Variants in PLCB4 observed in about 807,000 individuals in gnomAD.
PLCB4 encodes 1-phosphatidylinositol 4,5-bisphosphate phosphodiesterase beta-4.
A neutral mutation model predicts 178.8 loss-of-function variants in PLCB4; 77 were observed. The ratio of observed to expected loss-of-function variants is 0.43; its 90% CI spans 0.36 to 0.52. The LOEUF is 0.52. Among genes scored for constraint, PLCB4 ranks in the 20% least tolerant of loss-of-function variants. PLCB4 has a pLI of 0.00. For missense variants in PLCB4, 1,024 were observed against 1,453.4 expected (o/e 0.70, Z 4.80); for synonymous variants, 496 against 490.8 (o/e 1.01, Z -0.14).
intron 20 of PLCB4, among the ~76,000 whole-genome samples, chr20:9,402,582 G>T (rs2039111474): frequency 6.6e-6 from 1 of 152,224 alleles, no homozygotes; most frequent in African/African-American, 2.4e-5. Context: ...GACTAGTTTA[G>T]GAGGAAACAG....
Position 9,252,475 on chromosome 20 carries a change from A to AG in PLCB4, c.-16+35023_-16+35024insG, listed in dbSNP as rs577869487. ...ATTTAATGTGGGAACTTTAGAAAAT[A>AG]CTGTTGCCTGCACCCTATCCCAGAA... On this transcript the variant is annotated intron_variant, in intron 3 of 39. Transcript: ENST00000378473. Among the ~76,000 whole-genome samples the AG allele has an allele frequency of 1.3e-3, 199 of 152,318 alleles. 1 individual carries two copies. Among genetic ancestry groups the AG allele is most frequent in the African/African-American group, 4.5e-3 (189 of 41,576 alleles).
chr20:9,106,827 C>A (rs1334035383), intron 2 of PLCB4, among the ~76,000 whole-genome samples: 3 of 152,024 alleles, frequency 2.0e-5, no homozygotes, highest in African/African-American at 7.2e-5. Context: ...TGTTGTAAGG[C>A]AAATTGGATA....
chr20:9,165,876 A>T (rs1048343109), intron 2 of PLCB4, among the ~76,000 whole-genome samples: 5 of 151,978 alleles, frequency 3.3e-5, no homozygotes, highest in Admixed American at 6.6e-5. Context: ...CTCTTGAGTT[A>T]TACCAACAGG....
chr20:9,430,078 A>G (rs1171820617), intron 28 of PLCB4, among the ~76,000 whole-genome samples: 2 of 151,998 alleles, frequency 1.3e-5, no homozygotes, highest in African/African-American at 4.8e-5. Flanking sequence ...ATAAATAAAT[A>G]AATAAAATTT....
At chr20:9,302,459 T>C (rs554278702) in intron 3 of PLCB4, among the ~76,000 whole-genome samples, 2 of 152,230 alleles carry the variant, frequency 1.3e-5, no homozygotes, top group African/African-American at 4.8e-5. Context: ...GTGCCCCTGA[T>C]GCCAGGCCCT....
chr20:9,158,973 A>T (rs1429944685), intron 2 of PLCB4, among the ~76,000 whole-genome samples: 1 of 152,216 alleles, frequency 6.6e-6, no homozygotes, highest in African/African-American at 2.4e-5. Context: ...TCTAAAATAC[A>T]AAGATGTTGT....
chr20:9,412,215 G>A (rs2039908281), intron 25 of PLCB4, among the ~76,000 whole-genome samples: 1 of 152,222 alleles, frequency 6.6e-6, no homozygotes, highest in African/African-American at 2.4e-5. Context: ...TTAATGCCAA[G>A]TGTTCCAACC....
At chr20:9,155,497 A>G (rs1358027960) in intron 2 of PLCB4, among the ~76,000 whole-genome samples, 1 of 152,158 alleles carries the variant, frequency 6.6e-6, no homozygotes, top group Non-Finnish European at 1.5e-5. Context: ...CTGTCAATCT[A>G]CTGCAGTGTC....
intron 2 of PLCB4, among the ~76,000 whole-genome samples, chr20:9,106,916 T>G (rs1185857185): frequency 6.6e-6 from 1 of 152,196 alleles, no homozygotes; most frequent in Admixed American, 6.6e-5. Context: ...GTAGGGTTAT[T>G]GGTTAAATAG....
chr20:9,375,325 T>C (rs994051434), intron 12 of PLCB4, among the ~76,000 whole-genome samples: 3 of 152,108 alleles, frequency 2.0e-5, no homozygotes, highest in Non-Finnish European at 4.4e-5. Context: ...CAGAGCTCAC[T>C]CAAGAAAGAA....
intron 2 of PLCB4, among the ~76,000 whole-genome samples, chr20:9,104,725 T>A (rs2091300363): frequency 6.6e-6 from 1 of 152,128 alleles, no homozygotes; most frequent in South Asian, 2.1e-4. Flanking sequence ...TTATACTTTT[T>A]TTCTCTCTTC....
chr20:9,342,146 G>A (rs1371805336), intron 7 of PLCB4, among the ~76,000 whole-genome samples: 1 of 151,992 alleles, frequency 6.6e-6, no homozygotes, highest in Non-Finnish European at 1.5e-5. Context: ...CTTCAGCATT[G>A]ACAACATTTT....
intron 26 of PLCB4, among the ~76,000 whole-genome samples, chr20:9,420,281 G>A (rs1379670655): frequency 1.3e-5 from 2 of 152,078 alleles, no homozygotes; most frequent in Non-Finnish European, 2.9e-5. Context: ...TCTTAATTAT[G>A]GAGGTGGTTT....
chr20:9,293,111 C>CAG (rs1266055784), intron 3 of PLCB4, among the ~76,000 whole-genome samples: 1 of 150,372 alleles, frequency 6.7e-6, no homozygotes, highest in East Asian at 2.0e-4. Context: ...GAGAGACACC[C>CAG]AGAGAGAGAC....
intron 3 of PLCB4, among the ~76,000 whole-genome samples, chr20:9,282,423 T>A (rs1193889380): frequency 6.6e-6 from 1 of 152,044 alleles, no homozygotes; most frequent in Non-Finnish European, 1.5e-5. Flanking sequence ...GAGTCACAGA[T>A]GGTTTGCTTT....
At chr20:9,250,798 A>G (rs1246493350) in intron 3 of PLCB4, among the ~76,000 whole-genome samples, 1 of 152,224 alleles carries the variant, frequency 6.6e-6, no homozygotes, top group Admixed American at 6.5e-5. Context: ...CTCATGTGGC[A>G]TCATGATTTG....
chr20:9,237,503 G>T (rs965659401), intron 3 of PLCB4, among the ~76,000 whole-genome samples: 4 of 152,208 alleles, frequency 2.6e-5, no homozygotes, highest in African/African-American at 9.6e-5. Context: ...TGAGGAGCTT[G>T]TTAGAGATGC....
intron 2 of PLCB4, among the ~76,000 whole-genome samples, chr20:9,144,168 G>A (rs1425509364): frequency 3.3e-5 from 5 of 152,180 alleles, no homozygotes; most frequent in South Asian, 4.1e-4. Context: ...ATAAATTCTT[G>A]AAAGTTTAGT....
intron 2 of PLCB4, among the ~76,000 whole-genome samples, chr20:9,189,752 G>T (rs1568922278): frequency 1.3e-5 from 2 of 152,142 alleles, no homozygotes; most frequent in African/African-American, 2.4e-5. Flanking sequence ...ATGATGCCTT[G>T]TTGCTCCATC....
Sources: allele counts gnomAD v4.1 joint callset (sites outside exome capture counted in the v4.1 genomes callset), GRCh38; gene constraint gnomAD v4.1.1; transcripts MANE v1.5; gene names NCBI Gene and HGNC (gene_info 2026-07-23, HGNC 2026-07-21).